The following SLC25A13 variants were observed in gnomAD, a reference collection of about 807,000 sequenced individuals.
SLC25A13 encodes electrogenic aspartate/glutamate antiporter SLC25A13, mitochondrial.
Under a neutral mutation model 85.5 loss-of-function variants are expected in SLC25A13, and 70 were observed. That is an observed-to-expected ratio of 0.82 (90% CI 0.68 to 1.00). The LOEUF (loss-of-function observed/expected upper bound fraction) is 1.00. Among genes scored for constraint, SLC25A13 ranks in the 50% least tolerant of loss-of-function variants. The pLI is 0.00. For synonymous variants in SLC25A13, 259 were observed against 288.7 expected, an observed-to-expected ratio of 0.90 and a Z score of 1.04; for missense variants, 765 against 819.8, an observed-to-expected ratio of 0.93 and a Z score of 0.82.
intron 3 of SLC25A13, among the ~76,000 whole-genome samples, chr7:96,271,804 A>G (rs1389587633): frequency 6.6e-6 from 1 of 152,144 alleles, no homozygotes; most frequent in East Asian, 1.9e-4. Flanking sequence ...AAGCATGTCT[A>G]TTAATGGGAA....
intron 5 of SLC25A13, among the ~76,000 whole-genome samples, chr7:96,200,675 A>G (rs1395774111): frequency 1.3e-5 from 2 of 152,148 alleles, no homozygotes; most frequent in African/African-American, 4.8e-5. Flanking sequence ...ATGCACTGCA[A>G]CACCTTGGCA....
chr7:96,188,460 T>C (rs988520835), intron 9 of SLC25A13, among the ~76,000 whole-genome samples: 3 of 152,224 alleles, frequency 2.0e-5, no homozygotes, highest in Non-Finnish European at 4.4e-5. Context: ...CTGGCGTCTC[T>C]GTACAAACCC....
intron 2 of SLC25A13, among the ~76,000 whole-genome samples, chr7:96,278,777 A>G (rs1277443453): frequency 6.6e-6 from 1 of 152,158 alleles, no homozygotes; most frequent in East Asian, 1.9e-4. Context: ...TGATCCTACT[A>G]TTCTTCAGTT....
At chr7:96,159,226 T>C (rs1286204227) in intron 13 of SLC25A13, among the ~76,000 whole-genome samples, 1 of 152,190 alleles carries the variant, frequency 6.6e-6, no homozygotes, top group Non-Finnish European at 1.5e-5. Flanking sequence ...ACCTGAGTCC[T>C]CACAAACTGA....
intron 5 of SLC25A13, among the ~76,000 whole-genome samples, chr7:96,201,053 T>C (rs548225462): frequency 3.9e-5 from 6 of 152,268 alleles, no homozygotes; most frequent in African/African-American, 1.2e-4. Context: ...CAAACAACAC[T>C]AATGTGCTCT....
chr7:96,121,449 A>C, intron 17 of SLC25A13, 72 bp from the exon 18 acceptor site: 1 of 1,546,360 alleles, frequency 6.5e-7, no homozygotes, highest in Non-Finnish European at 8.9e-7. Context: ...TAACATTCAA[A>C]ACCTGTTCAA....
rs1019639081 is a variant in SLC25A13, at chr7:96,121,069, C to T, written c.*122G>A. ...TGAATGATTTCACATGATAAAAAAG[C>T]CTGGACTTGAATTTAAACAAGAGAT... On this transcript the variant is annotated 3_prime_UTR_variant, in exon 18 of 18. Transcript: ENST00000265631. 2 of 1,064,540 alleles carry T rather than the reference C, an allele frequency of 1.9e-6. No individual in the cohort carries two copies. The highest frequency in any genetic ancestry group is 2.9e-6 in the Non-Finnish European group (2 of 696,316). The allele number at this position is 1,064,540 out of a possible 1,614,324, so 65.9% of individuals were successfully genotyped here. A position where few individuals can be genotyped will look rare whatever the true frequency, so the allele number is the denominator to read the frequency against.
chr7:96,151,872 GC>G (rs1793064133), intron 13 of SLC25A13, among the ~76,000 whole-genome samples: 4 of 152,018 alleles, frequency 2.6e-5, no homozygotes, highest in Admixed American at 2.6e-4. Flanking sequence ...TTGATCCCGG[GC>G]AGCGGAGGTT....
chr7:96,182,199 G>A (rs1159759461), intron 11 of SLC25A13, among the ~76,000 whole-genome samples: 2 of 152,166 alleles, frequency 1.3e-5, no homozygotes, highest in African/African-American at 2.4e-5. Flanking sequence ...TCATGGCAAA[G>A]TTATGTATCA....
In SLC25A13 at chr7:96,193,041, A is replaced by G; in HGVS notation, c.611T>C (p.Val204Ala). 6.2e-7 allele frequency: 1 copy of G among 1,614,128 alleles called. No homozygotes were observed. The highest frequency in any genetic ancestry group is 1.1e-5 in the South Asian group (1 of 91,076). The change falls in exon 6 of 18, where the codon GTA becomes GCA. Residue 204 changes from valine (V) to alanine (A), a missense_variant. Val to Ala is a moderately conservative substitution (Grantham distance 64, BLOSUM62 0). Coordinates refer to ENST00000265631, the MANE Select transcript of SLC25A13 (RefSeq NM_014251.3). Reference sequence around the variant, plus strand: ...TTAGGGCAAGTTACAACTTACAGCTACTAGACATTCTTCTACAAAAGGAGT... The same window carrying G: ...TTAGGGCAAGTTACAACTTACAGCTGCTAGACATTCTTCTACAAAAGGAGT... The part of the protein sequence containing the change: ...VLTPFVEECL[V>A]AAAGGTTSHQ...
chr7:96,198,668 A>G (rs1012821042), intron 5 of SLC25A13, among the ~76,000 whole-genome samples: 10 of 152,246 alleles, frequency 6.6e-5, no homozygotes, highest in African/African-American at 2.4e-4. Context: ...TAAAACTGAG[A>G]TTCTTAACTA....
In SLC25A13 at chr7:96,124,226, T is replaced by C. The variant is rs150819901; in HGVS notation, c.1592-2229A>G. Among the ~76,000 whole-genome samples, 158 of 152,370 alleles carry C rather than the reference T, an allele frequency of 1.0e-3. 6 individuals carry two copies. In the East Asian group the frequency reaches 0.028, roughly 27 times the overall value. ...TAGGGCACAAGTCATCGTTAATTTTTATAAATATCCCATTTATATTTATAA... is the reference window on the plus strand; with the variant it reads ...TAGGGCACAAGTCATCGTTAATTTTCATAAATATCCCATTTATATTTATAA... On this transcript the variant is annotated intron_variant, in intron 15 of 17. Transcript: ENST00000265631.
chr7:96,234,703 G>C, intron 4 of SLC25A13, 99 bp downstream of exon 4: 1 of 881,314 alleles, frequency 1.1e-6, no homozygotes, highest in Non-Finnish European at 1.8e-6. Flanking sequence ...CTTCTATAAA[G>C]AATTTCCATA....
intron 13 of SLC25A13, chr7:96,167,073 G>A (rs957184750): frequency 6.6e-6 from 1 of 152,132 alleles, no homozygotes; most frequent in East Asian, 1.9e-4. Flanking sequence ...TCTCAGCATC[G>A]AGTTTTGTCT....
chr7:96,126,082 T>C (rs1162759933), intron 15 of SLC25A13, among the ~76,000 whole-genome samples: 2 of 152,172 alleles, frequency 1.3e-5, no homozygotes, highest in Non-Finnish European at 2.9e-5. Context: ...AAGGATAGGC[T>C]GATTAGTATT....
At chr7:96,217,523 C>G (rs539785549) in intron 4 of SLC25A13, among the ~76,000 whole-genome samples, 4 of 152,164 alleles carry the variant, frequency 2.6e-5, no homozygotes, top group African/African-American at 9.6e-5. Flanking sequence ...TGTGACCTAT[C>G]TATATCTACA....
At chr7:96,160,233 A>C (rs755529428) in intron 13 of SLC25A13, among the ~76,000 whole-genome samples, 5 of 152,222 alleles carry the variant, frequency 3.3e-5, no homozygotes, top group Non-Finnish European at 7.3e-5. Context: ...TGTTGAGTCA[A>C]ACAACTCTGA....
At chr7:96,227,746 T>C (rs905584834) in intron 4 of SLC25A13, among the ~76,000 whole-genome samples, 1 of 152,314 alleles carries the variant, frequency 6.6e-6, no homozygotes, top group South Asian at 2.1e-4. Flanking sequence ...CCTTTACCTT[T>C]AGTACCATGC....
chr7:96,317,770 CTATTTTATTT>C (rs995017266), intron 1 of SLC25A13, among the ~76,000 whole-genome samples: 1 of 149,554 alleles, frequency 6.7e-6, no homozygotes, highest in African/African-American at 2.4e-5. Context: ...TTATTTTATT[CTATTTTATTT>C]TATTTTATTA....
Sources: allele counts gnomAD v4.1 joint callset (sites outside exome capture counted in the v4.1 genomes callset), GRCh38; gene constraint gnomAD v4.1.1; transcripts MANE v1.5; gene names NCBI Gene and HGNC (gene_info 2026-07-23, HGNC 2026-07-21).